The following IQSEC1 variants were observed in gnomAD, a reference collection of about 807,000 sequenced individuals.
IQSEC1 encodes IQ motif and Sec7 domain ArfGEF 1.
In IQSEC1, 31 loss-of-function variants were observed where a neutral mutation model predicts 91.0. That is an observed-to-expected ratio of 0.34 (90% CI 0.26 to 0.46). The LOEUF (loss-of-function observed/expected upper bound fraction) is 0.46. IQSEC1 is among the 20% of genes least tolerant of loss of function. The pLI is 1.00. For synonymous variants in IQSEC1, 699 were observed against 662.6 expected, an observed-to-expected ratio of 1.05 and a Z score of -0.84; for missense variants, 1,388 against 1,575.6, an observed-to-expected ratio of 0.88 and a Z score of 2.02.
At chr3:12,978,425 G>A (rs565449989) in intron 1 of IQSEC1, among the ~76,000 whole-genome samples, 29 of 152,284 alleles carry the variant, frequency 1.9e-4, no homozygotes, top group African/African-American at 7.0e-4. Flanking sequence ...AGGGCCGGGC[G>A]CGGTGGCTCA....
At position 13,190,343 on chromosome 3, in the gene IQSEC1, G is replaced by C. The variant is rs573906693; in HGVS notation, c.273-26210C>G. Among the ~76,000 whole-genome samples, 192 of 152,282 alleles carry C rather than the reference G, an allele frequency of 1.3e-3. 1 individual carries two copies. Among genetic ancestry groups the C allele is most frequent in the African/African-American group, 4.3e-3 (179 of 41,544 alleles). On this transcript the variant is annotated intron_variant, in intron 1 of 15. Coordinates refer to the IQSEC1 transcript ENST00000648114. ...TCCCAACACTTTGGGAGGCCAAGGT[G>C]GGAGGATCTCCTGATCCCAGGGGTT... is the stretch of plus-strand genomic sequence containing the variant.
Position 13,199,584 on chromosome 3 carries a change from C to T in IQSEC1, c.273-35451G>A, listed in dbSNP as rs888392649. ...TGGTCGCCCCTCCGCTCCTTCCCAC[C>T]GACCAAGGCCAGCCCCGCGACCCTC... On this transcript the variant is annotated intron_variant, in intron 1 of 15. Coordinates refer to the IQSEC1 transcript ENST00000648114. Among the ~76,000 whole-genome samples, 11 of 152,172 alleles carry T rather than the reference C, an allele frequency of 7.2e-5. No homozygotes were observed. In the East Asian group the frequency reaches 7.7e-4, roughly 11 times the overall value.
At chr3:12,947,137 T>C (rs1699231339) in intron 1 of IQSEC1, among the ~76,000 whole-genome samples, 1 of 152,208 alleles carries the variant, frequency 6.6e-6, no homozygotes, top group African/African-American at 2.4e-5. Context: ...GGGGAGATGA[T>C]GTGATCCCCA....
intron 1 of IQSEC1, among the ~76,000 whole-genome samples, chr3:13,254,440 G>C (rs2125120858): frequency 6.6e-6 from 1 of 152,352 alleles, no homozygotes; most frequent in African/African-American, 2.4e-5. Flanking sequence ...GATCAGGAAG[G>C]CTAAGATGTG....
intron 1 of IQSEC1, among the ~76,000 whole-genome samples, chr3:13,040,495 T>C (rs993554273): frequency 1.3e-5 from 2 of 152,156 alleles, no homozygotes; most frequent in African/African-American, 4.8e-5. Flanking sequence ...CAAAGAGCGC[T>C]CTCACGGGTT....
chr3:13,207,681 G>A lies in IQSEC1; in HGVS notation c.273-43548C>T, dbSNP rs916223870. Among the ~76,000 whole-genome samples the A allele has an allele frequency of 1.3e-5, 2 of 152,058 alleles. No individual in the cohort carries two copies. Among genetic ancestry groups the A allele is most frequent in the African/African-American group, 2.4e-5 (1 of 41,392 alleles). On this transcript the variant is annotated intron_variant, in intron 1 of 15. Transcript: ENST00000648114. This position sits in a 1 kb window ranked among gnomAD's most constrained non-coding sequence, Gnocchi z 4.8. ...GAGCCTCTGCACCCAGGGCTCCTTCGCCCCTCAGATTCCTGCAGGGGCTTA... is the reference window on the plus strand; with the variant it reads ...GAGCCTCTGCACCCAGGGCTCCTTCACCCCTCAGATTCCTGCAGGGGCTTA...
chr3:12,936,789 G>A lies in IQSEC1; in HGVS notation c.319-92C>T, dbSNP rs1254505122. 18 of 1,292,350 alleles carry A rather than the reference G, an allele frequency of 1.4e-5. No individual in the cohort carries two copies. The Middle Eastern group carries it at 5.7e-4, about 41-fold the overall frequency. The allele number at this position is 1,292,350 out of a possible 1,614,324, so 80.1% of individuals were successfully genotyped here. On this transcript the variant is annotated intron_variant, in intron 2 of 13. Coordinates refer to ENST00000613206, the MANE Select transcript of IQSEC1 (RefSeq NM_001134382.3). The stretch of plus-strand genomic sequence containing the variant: ...CTTCCCACTTCCTAGCCACGTGGCT[G>A]TGCGACCTGGGAAGGTCCCAAAGTT...
intron 2 of IQSEC1, among the ~76,000 whole-genome samples, chr3:13,126,179 CCTCAAACATTCT>C (rs758984779): frequency 5.4e-5 from 6 of 110,106 alleles, no homozygotes; most frequent in Non-Finnish European, 1.1e-4. Flanking sequence ...ATATCCATGC[CCTCAAACATTCT>C]CTCATGCCTC....
intron 2 of IQSEC1, among the ~76,000 whole-genome samples, chr3:13,112,722 G>C (rs552733243): frequency 2.6e-5 from 4 of 152,178 alleles, no homozygotes; most frequent in Non-Finnish European, 5.9e-5. Context: ...CTTTGGGTAC[G>C]GGGGCGAGCA....
At chr3:13,222,964 G>T (rs987706614) in intron 1 of IQSEC1, among the ~76,000 whole-genome samples, 2 of 152,232 alleles carry the variant, frequency 1.3e-5, no homozygotes, top group Non-Finnish European at 2.9e-5. Context: ...TCAGCACCCT[G>T]GCATCCACTT....
intron 1 of IQSEC1, among the ~76,000 whole-genome samples, chr3:12,942,165 C>T (rs187158228): frequency 2.0e-5 from 3 of 152,242 alleles, no homozygotes; most frequent in Admixed American, 1.3e-4. Context: ...TCCCTGAGGA[C>T]AGCAGTTTTG....
intron 3 of IQSEC1, among the ~76,000 whole-genome samples, chr3:12,928,728 A>G (rs1304363530): frequency 1.3e-5 from 2 of 152,194 alleles, no homozygotes; most frequent in Non-Finnish European, 2.9e-5. Context: ...TCTGCCAAGC[A>G]TCACACAGGT....
At position 12,911,377 on chromosome 3, in the gene IQSEC1, G is replaced by A. The variant is rs140894865; in HGVS notation, c.2416+252C>T. The stretch of plus-strand genomic sequence containing the variant: ...CATAAATTTAAAAATCTTATCACCT[G>A]CAAGAAACGAAGTACCAGTAAAAGC... On this transcript the variant is annotated intron_variant, in intron 10 of 13. Coordinates refer to ENST00000613206, the MANE Select transcript of IQSEC1 (RefSeq NM_001134382.3). 5.0e-3 allele frequency among the ~76,000 whole-genome samples: 760 copies of A among 152,300 alleles called. 6 individuals carry two copies. Among genetic ancestry groups the A allele is most frequent in the African/African-American group, 0.017 (722 of 41,552 alleles).
chr3:13,253,604 G>T (rs1695237054), intron 1 of IQSEC1, among the ~76,000 whole-genome samples: 1 of 152,198 alleles, frequency 6.6e-6, no homozygotes, highest in Non-Finnish European at 1.5e-5. Context: ...TAGATAAGGG[G>T]TAGTCAGCAT....
At chr3:12,993,920 C>T (rs1213216870) in intron 1 of IQSEC1, among the ~76,000 whole-genome samples, 2 of 152,184 alleles carry the variant, frequency 1.3e-5, no homozygotes, top group East Asian at 1.9e-4. Context: ...CCCAGGTTCC[C>T]GAGAGCCAAC....
At chr3:12,917,542 A>C (rs1171112362) in intron 6 of IQSEC1, among the ~76,000 whole-genome samples, 4 of 152,134 alleles carry the variant, frequency 2.6e-5, no homozygotes, top group Non-Finnish European at 4.4e-5. Context: ...CTACACACTT[A>C]AGTTTCCTCC....
At chr3:12,901,899 G>A (rs1220056657) in intron 13 of IQSEC1, among the ~76,000 whole-genome samples, 1 of 152,190 alleles carries the variant, frequency 6.6e-6, no homozygotes, top group Admixed American at 6.5e-5. Flanking sequence ...CGAGTGCAGA[G>A]GGGCTGATGT....
intron 1 of IQSEC1, among the ~76,000 whole-genome samples, chr3:13,235,573 G>A (rs1482776824): frequency 6.6e-6 from 1 of 152,160 alleles, no homozygotes; most frequent in African/African-American, 2.4e-5. Context: ...ACTGCTGGAG[G>A]TGGGTGCTGT....
At chr3:13,184,600 T>C (rs358598) in intron 1 of IQSEC1, among the ~76,000 whole-genome samples, 122,178 of 152,182 alleles carry the variant, frequency 0.8, 49,314 homozygotes, top group African/African-American at 0.88. Context: ...CTAACAAGTG[T>C]ACTAGAGCAA....
Sources: allele counts gnomAD v4.1 joint callset (sites outside exome capture counted in the v4.1 genomes callset), GRCh38; gene constraint gnomAD v4.1.1; non-coding constraint Gnocchi (gnomAD v3.1); transcripts MANE v1.5; gene names NCBI Gene and HGNC (gene_info 2026-07-23, HGNC 2026-07-21).